Variants in RTN4R observed in about 807,000 individuals in gnomAD.
The protein encoded by RTN4R is reticulon 4 receptor.
A neutral mutation model predicts 27.7 loss-of-function variants in RTN4R; 4 were observed. The ratio of observed to expected loss-of-function variants is 0.14; its 90% CI spans 0.07 to 0.33. RTN4R has a LOEUF of 0.33. RTN4R is among the 10% of genes least tolerant of loss of function. The probability of loss-of-function intolerance (pLI) is 1.00; values close to 1 mark genes in which losing one functional copy is unlikely to be tolerated. For synonymous variants in RTN4R, 290 were observed against 305.6 expected, an observed-to-expected ratio of 0.95 and a Z score of 0.53; for missense variants, 554 against 671.5, an observed-to-expected ratio of 0.83 and a Z score of 1.93.
Position 20,242,778 on chromosome 22 carries a change from G to C in RTN4R, c.355C>G (p.Arg119Gly), listed in dbSNP as rs74315508. The change falls in exon 2 of 2, where the codon CGG becomes GGG. Residue 119 changes from arginine to glycine, a missense_variant. Arg to Gly is a moderately radical substitution (Grantham distance 125). This residue lies in a region of RTN4R where 413 missense variants were observed against 542.3 expected (regional missense o/e 0.76). Transcript: ENST00000043402. ...QLDLSDNAQL[R>G]SVDPATFHGL... Reference sequence around the variant, plus strand: ...TGGAATGTGGCAGGGTCCACAGACCGGAGCTGTGCATTATCGCTGAGGTCC... The same window carrying C: ...TGGAATGTGGCAGGGTCCACAGACCCGAGCTGTGCATTATCGCTGAGGTCC... 2.7e-5 allele frequency: 43 copies of C among 1,612,728 alleles called. No homozygotes were observed. The highest frequency in any genetic ancestry group is 2.9e-5 in the Non-Finnish European group (34 of 1,179,862).
At chr22:20,265,552 C>T (rs2051272314) in intron 1 of RTN4R, among the ~76,000 whole-genome samples, 1 of 152,212 alleles carries the variant, frequency 6.6e-6, no homozygotes, top group Non-Finnish European at 1.5e-5. Flanking sequence ...AACTGAGGCT[C>T]AGGGGTTCCA....
At chr22:20,245,862 G>A (rs557479954) in intron 1 of RTN4R, among the ~76,000 whole-genome samples, 1 of 152,264 alleles carries the variant, frequency 6.6e-6, no homozygotes, top group East Asian at 1.9e-4. Flanking sequence ...CACACGGGGT[G>A]AGCAACCAGC....
In RTN4R at chr22:20,242,037, C is replaced by T. The variant is rs771951306; in HGVS notation, c.1096G>A (p.Gly366Ser). ...GNALKGRVPP[G>S]DSPPGNGSGP... ...GAGCCGTTGCCCGGCGGGCTGTCAC[C>T]GGGCGGCACGCGTCCCTTCAGCGCA... Residue 366 changes from glycine (G) to serine (S), a missense_variant, in exon 2 of 2, where the codon GGT becomes AGT. Around this residue, in one of 2 missense-constraint regions of RTN4R, gnomAD observed 413 missense variants for 542.3 expected, o/e 0.76. Coordinates refer to ENST00000043402, the MANE Select transcript of RTN4R (RefSeq NM_023004.6). 34 of 1,612,022 alleles carry T rather than the reference C, an allele frequency of 2.1e-5. No homozygotes were observed. The highest frequency in any genetic ancestry group is 1.6e-4 in the Middle Eastern group (1 of 6,084).
chr22:20,262,161 G>T (rs2051251540), intron 1 of RTN4R, among the ~76,000 whole-genome samples: 1 of 152,238 alleles, frequency 6.6e-6, no homozygotes, highest in Non-Finnish European at 1.5e-5. Context: ...TTGGGGATGG[G>T]TCGAGGGAAG....
intron 1 of RTN4R, among the ~76,000 whole-genome samples, chr22:20,245,860 G>T (rs2051137746): frequency 6.6e-6 from 1 of 152,280 alleles, no homozygotes; most frequent in East Asian, 1.9e-4. Flanking sequence ...TGCACACGGG[G>T]TGAGCAACCA....
intron 1 of RTN4R, among the ~76,000 whole-genome samples, chr22:20,251,111 C>T (rs1325155682): frequency 6.6e-6 from 1 of 152,154 alleles, no homozygotes; most frequent in African/African-American, 2.4e-5. Context: ...GAGGCCTCTC[C>T]CTGCACCTTG....
At chr22:20,260,380 C>T (rs1375412999) in intron 1 of RTN4R, among the ~76,000 whole-genome samples, 1 of 152,140 alleles carries the variant, frequency 6.6e-6, no homozygotes, top group Non-Finnish European at 1.5e-5. Context: ...AGGAGGGAAG[C>T]GGAGACTCAA....
At chr22:20,268,044 G>A (rs541448934) in intron 1 of RTN4R, 27 bp downstream of exon 1, 24 of 1,162,212 alleles carry the variant, frequency 2.1e-5, no homozygotes, top group Middle Eastern at 3.2e-4. Flanking sequence ...GCCGCCGGCC[G>A]GGCTCGGGTG....
At chr22:20,260,143 C>A (rs759580216) in intron 1 of RTN4R, among the ~76,000 whole-genome samples, 5 of 152,164 alleles carry the variant, frequency 3.3e-5, no homozygotes, top group Admixed American at 2.6e-4. Flanking sequence ...GGGACGCACC[C>A]AGCTGAGGGA....
At chr22:20,250,534 GAGA>G (rs1396505582) in intron 1 of RTN4R, among the ~76,000 whole-genome samples, 1 of 152,224 alleles carries the variant, frequency 6.6e-6, no homozygotes, top group Non-Finnish European at 1.5e-5. Flanking sequence ...CCAAGGGTCA[GAGA>G]AGACCACGGT....
intron 1 of RTN4R, among the ~76,000 whole-genome samples, chr22:20,245,071 T>C (rs2145973651): frequency 6.6e-6 from 1 of 152,230 alleles, no homozygotes; most frequent in South Asian, 2.1e-4. Flanking sequence ...TGCTCATGGA[T>C]CTCCCTCCCG....
intron 1 of RTN4R, chr22:20,267,685 G>A: frequency 4.3e-6 from 2 of 461,102 alleles, no homozygotes; most frequent in Non-Finnish European, 8.9e-6. Context: ...CCCACCCTCG[G>A]TACCCACGTT....
chr22:20,265,921 G>A (rs188729100), intron 1 of RTN4R, among the ~76,000 whole-genome samples: 1 of 152,334 alleles, frequency 6.6e-6, no homozygotes, highest in East Asian at 1.9e-4. Context: ...AGGTGAGGAA[G>A]ACTGAGGCAG....
chr22:20,259,979 G>A (rs1333911002), intron 1 of RTN4R, among the ~76,000 whole-genome samples: 1 of 152,120 alleles, frequency 6.6e-6, no homozygotes, highest in Non-Finnish European at 1.5e-5. Context: ...CCCCTGCATC[G>A]GGGACTGGAC....
At chr22:20,243,377 C>G (rs1361738616) in intron 1 of RTN4R, 4 of 690,376 alleles carry the variant, frequency 5.8e-6, no homozygotes, top group Non-Finnish European at 1.1e-5. Flanking sequence ...CACCCAGGAG[C>G]AGCCCACTGG....
At chr22:20,259,712 C>T (rs1310376294) in intron 1 of RTN4R, among the ~76,000 whole-genome samples, 1 of 152,198 alleles carries the variant, frequency 6.6e-6, no homozygotes, top group Non-Finnish European at 1.5e-5. Context: ...GCTCCAGCTC[C>T]TCTTCCAGAC....
At chr22:20,263,228 C>A (rs932017207) in intron 1 of RTN4R, among the ~76,000 whole-genome samples, 7 of 152,182 alleles carry the variant, frequency 4.6e-5, no homozygotes, top group Admixed American at 2.0e-4. Context: ...ATCCCAGGGC[C>A]CTTGCTGGAG....
At chr22:20,246,388 C>A (rs1489883332) in intron 1 of RTN4R, among the ~76,000 whole-genome samples, 1 of 152,118 alleles carries the variant, frequency 6.6e-6, no homozygotes, top group African/African-American at 2.4e-5. Context: ...GGCACCTGCA[C>A]CATCAGTTCT....
rs747279377 is a variant in RTN4R at position 20,242,864 on chromosome 22, G to A, written c.269C>T (p.Ser90Leu). 9.9e-6 allele frequency: 16 copies of A among 1,612,790 alleles called. No individual in the cohort carries two copies. The highest frequency in any genetic ancestry group is 2.2e-5 in the South Asian group (2 of 91,066). The change falls in exon 2 of 2, where the codon TCG (serine) becomes TTG (leucine). Residue 90 changes from serine (S) to leucine (L), a missense_variant. Ser to Leu is a moderately radical substitution (Grantham distance 145). Transcript: ENST00000043402. Reference protein sequence around the residue: ...CRNLTILWLHSNVLARIDAAA... With the variant: ...CRNLTILWLHLNVLARIDAAA... ...CGCATCAATTCGGGCCAGCACATTC[G>A]AGTGCAGCCACAGGATGGTGAGGTT...
Sources: gnomAD v4.1 joint callset for allele counts (sites outside exome capture counted in the v4.1 genomes callset) on GRCh38, gnomAD v4.1.1 for gene constraint, gnomAD v4.1.1 regional missense constraint, MANE v1.5 for transcripts, NCBI Gene and HGNC (gene_info 2026-07-23, HGNC 2026-07-21) for gene names.